Variants in PLEKHM2 observed in about 807,000 individuals in gnomAD.
PLEKHM2 encodes pleckstrin homology domain-containing family M member 2.
Under a neutral mutation model 116.3 loss-of-function variants are expected in PLEKHM2, and 77 were observed. The observed-to-expected ratio is 0.66, with a 90% CI of 0.55 to 0.80. The LOEUF is 0.80. Among genes scored for constraint, PLEKHM2 ranks in the 30% least tolerant of loss-of-function variants. The pLI, the probability that PLEKHM2 is intolerant of heterozygous loss-of-function variation, is 0.00. For missense variants in PLEKHM2, 1,183 were observed against 1,354.9 expected (o/e 0.87, Z 1.99); for synonymous variants, 562 against 571.0 (o/e 0.98, Z 0.22).
intron 1 of PLEKHM2, among the ~76,000 whole-genome samples, chr1:15,715,786 G>T (rs1641431894): frequency 1.3e-5 from 2 of 152,326 alleles, no homozygotes; most frequent in African/African-American, 4.8e-5. Flanking sequence ...AATAACATAA[G>T]CAAAGTTTAA....
chr1:15,716,650 G>GGTC (rs1641452238), intron 2 of PLEKHM2, 57 bp from the exon 3 acceptor site: 1 of 1,539,068 alleles, frequency 6.5e-7, no homozygotes, highest in Admixed American at 2.0e-5. Flanking sequence ...CCAGCCGACT[G>GGTC]CAGCTTCCCA....
intron 1 of PLEKHM2, among the ~76,000 whole-genome samples, chr1:15,710,972 T>G (rs530188919): frequency 1.7e-4 from 26 of 151,750 alleles, no homozygotes; most frequent in African/African-American, 6.3e-4. Flanking sequence ...GTCTGGAGTT[T>G]GAGACCAGCC....
intron 1 of PLEKHM2, among the ~76,000 whole-genome samples, chr1:15,696,817 C>T (rs1018475689): frequency 6.6e-6 from 1 of 152,238 alleles, no homozygotes; most frequent in African/African-American, 2.4e-5. Flanking sequence ...CAAGTCCTCC[C>T]TAATGTCCTT....
chr1:15,718,308 A>G (rs1441359243), intron 4 of PLEKHM2, among the ~76,000 whole-genome samples: 2 of 152,224 alleles, frequency 1.3e-5, no homozygotes, highest in African/African-American at 2.4e-5. Context: ...AGAGCCTGAC[A>G]AGCCTTGTGC....
chr1:15,712,844 C>T (rs1411854262), intron 1 of PLEKHM2, among the ~76,000 whole-genome samples: 1 of 150,942 alleles, frequency 6.6e-6, no homozygotes, highest in Admixed American at 6.6e-5. Context: ...TTTTTCGCCC[C>T]TGCTGGAGTG....
chr1:15,686,464 T>C (rs1270324070), intron 1 of PLEKHM2, among the ~76,000 whole-genome samples: 2 of 151,926 alleles, frequency 1.3e-5, no homozygotes, highest in Non-Finnish European at 2.9e-5. Context: ...TTGTGGAGTG[T>C]TTTTTTGTTG....
intron 2 of PLEKHM2, 110 bp downstream of exon 2, chr1:15,716,453 A>G (rs951421791): frequency 2.7e-6 from 2 of 742,164 alleles, no homozygotes; most frequent in African/African-American, 1.8e-5. Context: ...TCCCCTTGGC[A>G]GAAAGGGATT....
intron 4 of PLEKHM2, 94 bp from the exon 5 acceptor site, chr1:15,718,444 G>A (rs776019065): frequency 2.7e-5 from 20 of 751,174 alleles, no homozygotes; most frequent in Non-Finnish European, 4.7e-5. Context: ...AGGACATCAC[G>A]TGTCAGATTT....
intron 1 of PLEKHM2, among the ~76,000 whole-genome samples, chr1:15,714,066 T>C (rs1012558022): frequency 6.6e-6 from 1 of 151,634 alleles, no homozygotes; most frequent in African/African-American, 2.4e-5. Context: ...CTCAGCCTCC[T>C]GAGTAGCTGG....
chr1:15,716,229 TC>T lies in PLEKHM2; in HGVS notation c.61-7del, dbSNP rs66610224. On this transcript the variant is annotated splice_polypyrimidine_tract_variant and splice_region_variant and intron_variant, in intron 1 of 19. Coordinates refer to ENST00000375799, the MANE Select transcript of PLEKHM2 (RefSeq NM_015164.4). ...TTTCTGATTTGGAGGTGTTTTTTTT[TC>T]TTTCAGTTGCAGAGCTATTTTGCTG... 210,458 of 1,448,598 alleles carry T rather than the reference TC, an allele frequency of 0.15. 7,584 individuals are homozygous for T. Among genetic ancestry groups the T allele is most frequent in the African/African-American group, 0.22 (14,942 of 68,960 alleles). 89.7% of individuals were successfully genotyped at this position (1,448,598 alleles called of 1,614,324 possible).
In PLEKHM2 at chr1:15,684,422, G is replaced by C. The variant is rs1447861739; in HGVS notation, c.-137G>C. 3.1e-6 allele frequency: 1 copy of C among 320,774 alleles called. No homozygotes were observed. Among genetic ancestry groups the C allele is most frequent in the African/African-American group, 2.3e-5 (1 of 44,254 alleles). The allele number at this position is 320,774 out of a possible 1,614,324, so 19.9% of individuals were successfully genotyped here. ...GCGAGGGCCGGGCGGCGGGCGCCGGGCCCCGCGGCCGGCACGACGGAGCCC... is the reference window on the plus strand; with the variant it reads ...GCGAGGGCCGGGCGGCGGGCGCCGGCCCCCGCGGCCGGCACGACGGAGCCC... On this transcript the variant is annotated 5_prime_UTR_variant, in exon 1 of 20. Transcript: ENST00000375799.
In PLEKHM2 at chr1:15,728,183, G is replaced by A. The variant is rs745337679; in HGVS notation, c.1830+35G>A. 9.3e-6 allele frequency: 15 copies of A among 1,605,152 alleles called. No homozygotes were observed. Among genetic ancestry groups the A allele is most frequent in the Admixed American group, 6.7e-5 (4 of 59,498 alleles). On this transcript the variant is annotated intron_variant, in intron 10 of 19. Transcript: ENST00000375799. The surrounding 1 kb of genome is among the most constrained non-coding windows in gnomAD (Gnocchi z 5.9). ...AGGAACTCAGGAGTGAGCAAGAGAC[G>A]GCAAGGGCAAGGCGGGATGGGCCAC...
At chr1:15,687,894 A>C (rs1030301449) in intron 1 of PLEKHM2, among the ~76,000 whole-genome samples, 1 of 152,112 alleles carries the variant, frequency 6.6e-6, no homozygotes, top group East Asian at 1.9e-4. Context: ...TTTTATAAGG[A>C]TTTTACGTGA....
intron 1 of PLEKHM2, among the ~76,000 whole-genome samples, chr1:15,715,348 T>C (rs913494607): frequency 1.3e-5 from 2 of 152,042 alleles, no homozygotes; most frequent in Admixed American, 6.6e-5. Flanking sequence ...AGACCCTGTC[T>C]CAAAACAAAC....
chr1:15,707,483 G>C (rs570752389), intron 1 of PLEKHM2, among the ~76,000 whole-genome samples: 1 of 152,158 alleles, frequency 6.6e-6, no homozygotes, highest in East Asian at 1.9e-4. Flanking sequence ...CACGTGAGCC[G>C]ATGGGAGTGG....
chr1:15,731,363 C>A (rs1002391367), intron 16 of PLEKHM2, 106 bp downstream of exon 16: 4 of 854,092 alleles, frequency 4.7e-6, no homozygotes, highest in Non-Finnish European at 7.7e-6. Flanking sequence ...CTCAACCCCA[C>A]CCCATCCAGC....
chr1:15,693,015 A>G lies in PLEKHM2; in HGVS notation c.60+8397A>G, dbSNP rs557815671. 1.8e-3 allele frequency among the ~76,000 whole-genome samples: 263 copies of G among 147,380 alleles called. 1 individual carries two copies. The highest frequency in any genetic ancestry group is 6.4e-3 in the African/African-American group (254 of 39,766). ...TGGCCTCCCAAAGTGCTGGGATTAT[A>G]GGCGCGAGCCACCGTGCCTAGCCAC... On this transcript the variant is annotated intron_variant, in intron 1 of 19. Coordinates refer to ENST00000375799, the MANE Select transcript of PLEKHM2 (RefSeq NM_015164.4).
intron 1 of PLEKHM2, among the ~76,000 whole-genome samples, chr1:15,694,054 T>C (rs968040926): frequency 6.6e-6 from 1 of 152,154 alleles, no homozygotes; most frequent in Non-Finnish European, 1.5e-5. Context: ...CCACCTCTGC[T>C]GATAAAACAG....
chr1:15,720,419 C>T (rs1387138403), intron 6 of PLEKHM2: 1 of 985,138 alleles, frequency 1.0e-6, no homozygotes, highest in African/African-American at 1.7e-5. Context: ...CTCTGAGTTC[C>T]TTCTGCGCTC....
Sources: allele counts gnomAD v4.1 joint callset (sites outside exome capture counted in the v4.1 genomes callset), GRCh38; gene constraint gnomAD v4.1.1; non-coding constraint Gnocchi (gnomAD v3.1); transcripts MANE v1.5; gene names NCBI Gene and HGNC (gene_info 2026-07-23, HGNC 2026-07-21).